The following YIPF7 variants were observed in gnomAD, a reference collection of about 807,000 sequenced individuals.
YIPF7 encodes Yip1 domain family member 7.
A neutral mutation model predicts 27.2 loss-of-function variants in YIPF7; 35 were observed. The ratio of observed to expected loss-of-function variants is 1.29; its 90% CI spans 0.98 to 1.70. The LOEUF (loss-of-function observed/expected upper bound fraction) is 1.70, where lower values mean the gene tolerates loss of function less well. YIPF7 is among the 40% of genes most tolerant of loss of function. The probability of loss-of-function intolerance (pLI) is 0.00; values close to 1 mark genes in which losing one functional copy is unlikely to be tolerated. For missense variants in YIPF7, 358 were observed against 303.7 expected, an observed-to-expected ratio of 1.18 and a Z score of -1.33; for synonymous variants, 137 against 110.4, an observed-to-expected ratio of 1.24 and a Z score of -1.51.
chr4:44,635,862 G>C, intron 3 of YIPF7, 60 bp downstream of exon 3: 2 of 1,560,458 alleles, frequency 1.3e-6, no homozygotes, highest in Non-Finnish European at 1.7e-6. Context: ...CACATTAAGT[G>C]CTAATTATTG....
In YIPF7 at chr4:44,624,682, T is replaced by A; in HGVS notation, c.527A>T (p.Tyr176Phe). ...ACCCAGCACGCTGGCCACACAGCCG[T>A]ACGACACCCCTGAAGAGCTCATCAG... The part of the protein sequence containing the change: ...LNLMSSSGVS[Y>F]GCVASVLGYC... Residue 176 changes from tyrosine to phenylalanine, a missense_variant, in exon 5 of 6, where the codon TAC becomes TTC. Coordinates refer to ENST00000415895, the MANE Select transcript of YIPF7 (RefSeq NM_182592.3). The A allele has an allele frequency of 6.2e-7, 1 of 1,608,924 alleles. No homozygotes were observed. The highest frequency in any genetic ancestry group is 8.5e-7 in the Non-Finnish European group (1 of 1,177,800).
chr4:44,642,543 C>T lies in YIPF7; in HGVS notation c.117-6458G>A, dbSNP rs553956263. On this transcript the variant is annotated intron_variant, in intron 2 of 5. Coordinates refer to ENST00000415895, the MANE Select transcript of YIPF7 (RefSeq NM_182592.3). ...TAGTCCAAAGTATGATCCAAAAAAT[C>T]TGTAAATGATATAGTTTGGATCTGT... is the stretch of plus-strand genomic sequence containing the variant. Among the ~76,000 whole-genome samples the T allele has an allele frequency of 1.6e-3, 240 of 152,230 alleles. 1 individual carries two copies. The highest frequency in any genetic ancestry group is 5.6e-3 in the African/African-American group (231 of 41,546).
chr4:44,660,859 G>C (rs1714028107), intron 1 of YIPF7, among the ~76,000 whole-genome samples: 1 of 152,132 alleles, frequency 6.6e-6, no homozygotes, highest in South Asian at 2.1e-4. Flanking sequence ...TGTTTTTGTA[G>C]GATGGAAAAA....
At chr4:44,659,047 C>A (rs192235588) in intron 2 of YIPF7, among the ~76,000 whole-genome samples, 16 of 152,186 alleles carry the variant, frequency 1.1e-4, no homozygotes. Flanking sequence ...TTAGTTTACA[C>A]AGTTACTGTA....
rs897556456 is a variant in YIPF7, at chr4:44,629,389, C to T, written c.426+14G>A. The T allele has an allele frequency of 4.4e-6, 7 of 1,579,750 alleles. No individual in the cohort carries two copies. Among genetic ancestry groups the T allele is most frequent in the African/African-American group, 1.4e-5 (1 of 73,574 alleles). ...GACAAGCATTAAAATCTGGTGCTTC[C>T]TGTGACACATTACCAGAAGCAAGGT... is the stretch of plus-strand genomic sequence containing the variant. On this transcript the variant is annotated intron_variant, in intron 4 of 5. Coordinates refer to ENST00000415895, the MANE Select transcript of YIPF7 (RefSeq NM_182592.3).
At chr4:44,659,708 T>C (rs963884899) in intron 2 of YIPF7, among the ~76,000 whole-genome samples, 5 of 152,162 alleles carry the variant, frequency 3.3e-5, no homozygotes, top group African/African-American at 1.2e-4. Context: ...TTACAAAATC[T>C]TTAGCTGGTA....
At chr4:44,658,146 T>G (rs1287955643) in intron 2 of YIPF7, among the ~76,000 whole-genome samples, 2 of 152,186 alleles carry the variant, frequency 1.3e-5, no homozygotes, top group Admixed American at 1.3e-4. Context: ...TACATTGAAA[T>G]CTAACCCAAT....
chr4:44,662,142 G>T (rs1166106926), intron 1 of YIPF7, among the ~76,000 whole-genome samples: 1 of 152,146 alleles, frequency 6.6e-6, no homozygotes, highest in African/African-American at 2.4e-5. Context: ...CCCCTAGTGG[G>T]TGCCTAAGAA....
chr4:44,636,115 T>C, intron 2 of YIPF7, 30 bp from the exon 3 acceptor site: 2 of 1,567,326 alleles, frequency 1.3e-6, no homozygotes, highest in Admixed American at 3.7e-5. Flanking sequence ...AACATTTACA[T>C]GTCTAAGAAA....
chr4:44,640,284 T>A (rs1324420582), intron 2 of YIPF7, among the ~76,000 whole-genome samples: 1 of 152,230 alleles, frequency 6.6e-6, no homozygotes, highest in Non-Finnish European at 1.5e-5. Flanking sequence ...TTTGTACATT[T>A]GGTAGAATTC....
chr4:44,645,798 C>T (rs1713506865), intron 2 of YIPF7, among the ~76,000 whole-genome samples: 1 of 151,598 alleles, frequency 6.6e-6, no homozygotes, highest in Non-Finnish European at 1.5e-5. Context: ...CTGTAGGGCT[C>T]CTTTAGAACA....
intron 4 of YIPF7, 124 bp downstream of exon 4, chr4:44,629,277 TTC>T (rs1712788180): frequency 2.5e-6 from 3 of 1,190,962 alleles, no homozygotes; most frequent in Non-Finnish European, 3.2e-6. Context: ...GGTTAAATTA[TTC>T]TCTCTCACTT....
chr4:44,659,359 T>G (rs1322906523), intron 2 of YIPF7, among the ~76,000 whole-genome samples: 2 of 152,062 alleles, frequency 1.3e-5, no homozygotes, highest in Admixed American at 6.6e-5. Flanking sequence ...TAGGAAGCAC[T>G]GTAAAAAATC....
At chr4:44,639,118 T>C (rs1450333860) in intron 2 of YIPF7, among the ~76,000 whole-genome samples, 1 of 152,206 alleles carries the variant, frequency 6.6e-6, no homozygotes, top group East Asian at 1.9e-4. Context: ...TCAGGTCAGG[T>C]AATGAGATGC....
At chr4:44,643,957 T>A (rs915587044) in intron 2 of YIPF7, among the ~76,000 whole-genome samples, 1 of 151,874 alleles carries the variant, frequency 6.6e-6, no homozygotes, top group Non-Finnish European at 1.5e-5. Flanking sequence ...AAGTGTGGAA[T>A]GAAAAAGAGG....
chr4:44,657,767 T>G (rs114268904), intron 2 of YIPF7, among the ~76,000 whole-genome samples: 2,078 of 152,280 alleles, frequency 0.014, 28 homozygotes, highest in Non-Finnish European at 0.022. Flanking sequence ...GTAACGATGC[T>G]GCTTTTCTAA....
At chr4:44,643,928 T>C (rs898484502) in intron 2 of YIPF7, among the ~76,000 whole-genome samples, 5 of 152,078 alleles carry the variant, frequency 3.3e-5, no homozygotes, top group Non-Finnish European at 5.9e-5. Flanking sequence ...GGAGCCCTCA[T>C]GGAACACCTC....
intron 2 of YIPF7, among the ~76,000 whole-genome samples, chr4:44,643,177 G>A (rs956339688): frequency 6.6e-6 from 1 of 152,172 alleles, no homozygotes; most frequent in Admixed American, 6.6e-5. Flanking sequence ...GATCTCAGAG[G>A]GAGATGAGAA....
rs143481397 is a variant in YIPF7, at chr4:44,624,658, C to T, written c.551G>A (p.Gly184Asp). Residue 184 changes from glycine (G) to aspartate (D), a missense_variant, in exon 5 of 6, where the codon GGT becomes GAT. Physicochemically the swap from Gly to Asp is moderately conservative, Grantham distance 94 (BLOSUM62 -1). Transcript: ENST00000415895. ...VSYGCVASVL[G>D]YCLLPMVILS... Reference sequence around the variant, plus strand: ...GATGACCATGGGGAGCAGGCAGTAACCCAGCACGCTGGCCACACAGCCGTA... The same window carrying T: ...GATGACCATGGGGAGCAGGCAGTAATCCAGCACGCTGGCCACACAGCCGTA... 2.0e-4 allele frequency: 325 copies of T among 1,604,268 alleles called. No individual in the cohort carries two copies. The highest frequency in any genetic ancestry group is 2.7e-4 in the Non-Finnish European group (315 of 1,175,746).
Sources: gnomAD v4.1 joint callset for allele counts (sites outside exome capture counted in the v4.1 genomes callset) on GRCh38, gnomAD v4.1.1 for gene constraint, MANE v1.5 for transcripts, NCBI Gene and HGNC (gene_info 2026-07-23, HGNC 2026-07-21) for gene names.